Variants in SENP2 observed in about 807,000 individuals in gnomAD.
SENP2 encodes sentrin-specific protease 2.
Under a neutral mutation model 86.3 loss-of-function variants are expected in SENP2, and 16 were observed. The observed-to-expected ratio is 0.19, with a 90% CI of 0.13 to 0.28. SENP2 has a LOEUF of 0.28. SENP2 is among the 10% of genes least tolerant of loss of function. The pLI, the probability that SENP2 is intolerant of heterozygous loss-of-function variation, is 1.00. For synonymous variants in SENP2, 222 were observed against 238.7 expected (o/e 0.93, Z 0.64); for missense variants, 552 against 703.0 (o/e 0.79, Z 2.43).
chr3:185,618,167 C>T lies in SENP2; in HGVS notation c.1242+556C>T, dbSNP rs142572609. Among the ~76,000 whole-genome samples, 606 of 152,342 alleles carry T rather than the reference C, an allele frequency of 4.0e-3. 7 individuals are homozygous for T. Among genetic ancestry groups the T allele is most frequent in the African/African-American group, 0.014 (567 of 41,580 alleles). On this transcript the variant is annotated intron_variant, in intron 12 of 16. Transcript: ENST00000296257. ...CCATGTTGGTCAGGTTGGTCTCAAACTCTGGACCTCAGGTGATCCGCCCGC... is the reference window on the plus strand; with the variant it reads ...CCATGTTGGTCAGGTTGGTCTCAAATTCTGGACCTCAGGTGATCCGCCCGC...
At chr3:185,609,384 G>A in intron 7 of SENP2, 34 bp downstream of exon 7, 1 of 1,460,640 alleles carries the variant, frequency 6.8e-7, no homozygotes, top group Non-Finnish European at 9.6e-7. Context: ...GCTTTGCTAG[G>A]CATCTTTTGT....
Position 185,629,672 on chromosome 3 carries a change from C to G in SENP2, c.1708-110C>G, listed in dbSNP as rs895624280. The G allele has an allele frequency of 8.6e-6, 9 of 1,045,804 alleles. No homozygotes were observed. In the Admixed American group the frequency reaches 1.6e-4, roughly 19 times the overall value. The allele number at this position is 1,045,804 out of a possible 1,614,324, so 64.8% of individuals were successfully genotyped here. ...GTTCCATGATGTAAAAATGTCAACA[C>G]TTAGAAAAAGCACATGGACATCCTG... On this transcript the variant is annotated intron_variant, in intron 16 of 16. Coordinates refer to ENST00000296257, the MANE Select transcript of SENP2 (RefSeq NM_021627.3).
intron 16 of SENP2, among the ~76,000 whole-genome samples, chr3:185,629,566 A>G (rs1712318764): frequency 7.0e-6 from 1 of 143,578 alleles, no homozygotes; most frequent in Non-Finnish European, 1.5e-5. Flanking sequence ...ACACAGCAAG[A>G]CTCCATCTCA....
At position 185,632,203 on chromosome 3, in the gene SENP2, A is replaced by C. The variant is rs1239113296; in HGVS notation, c.*2359A>C. 6.7e-6 allele frequency: 1 copy of C among 149,924 alleles called. No homozygotes were observed. 9.3% of individuals were successfully genotyped at this position (149,924 alleles called of 1,614,324 possible). The stretch of plus-strand genomic sequence containing the variant: ...TTATTAGTAGCAAATTATCACCATT[A>C]AAGCCAGTGGTTTTTTTTTTGTTTT... On this transcript the variant is annotated 3_prime_UTR_variant, in exon 17 of 17. Coordinates refer to ENST00000296257, the MANE Select transcript of SENP2 (RefSeq NM_021627.3).
At chr3:185,614,822 G>C in intron 11 of SENP2, 82 bp downstream of exon 11, 6 of 1,390,766 alleles carry the variant, frequency 4.3e-6, no homozygotes, top group Non-Finnish European at 6.0e-6. Context: ...TTTGTTTTGA[G>C]GACTTTCTCC....
intron 15 of SENP2, 35 bp from the exon 16 acceptor site, chr3:185,626,262 AC>A: frequency 7.5e-7 from 1 of 1,342,012 alleles, no homozygotes; most frequent in South Asian, 1.2e-5. Flanking sequence ...ATGATGTTTT[AC>A]CCTTTCCTCT....
chr3:185,611,139 A>G (rs896957417), intron 7 of SENP2, among the ~76,000 whole-genome samples: 3 of 151,688 alleles, frequency 2.0e-5, no homozygotes, highest in Non-Finnish European at 2.9e-5. Context: ...AACCAGGTGT[A>G]GTGGCGTGTG....
chr3:185,586,599 C>A lies in SENP2; in HGVS notation c.101+85C>A, dbSNP rs578175327. 9.7e-5 allele frequency: 126 copies of A among 1,300,282 alleles called. No homozygotes were observed. In the Middle Eastern group the frequency reaches 1.3e-3, roughly 14 times the overall value. The allele number at this position is 1,300,282 out of a possible 1,614,324, so 80.5% of individuals were successfully genotyped here. On this transcript the variant is annotated intron_variant, in intron 1 of 16. Transcript: ENST00000296257. The surrounding 1 kb of genome is among the most constrained non-coding windows in gnomAD (Gnocchi z 4.3). ...CTCGGCCGTGATAGCTTTGATTCAG[C>A]CAGGCTCACCCGAAACAGGTCGCCG... is the stretch of plus-strand genomic sequence containing the variant.
chr3:185,621,962 C>T, intron 14 of SENP2, 57 bp downstream of exon 14: 1 of 1,135,248 alleles, frequency 8.8e-7, no homozygotes, highest in Admixed American at 1.9e-5. Flanking sequence ...TCTTTTATCT[C>T]ATCCTAGGAA....
At chr3:185,602,490 A>G (rs932661829) in intron 5 of SENP2, among the ~76,000 whole-genome samples, 1 of 152,152 alleles carries the variant, frequency 6.6e-6, no homozygotes, top group Admixed American at 6.6e-5. Context: ...AGTGTCGAGG[A>G]GGGAAAGATC....
At chr3:185,592,074 AT>A (rs1371375964) in intron 2 of SENP2, among the ~76,000 whole-genome samples, 31 of 64,768 alleles carry the variant, frequency 4.8e-4, no homozygotes, top group Admixed American at 1.7e-3. Flanking sequence ...GTCATCAACA[AT>A]TTTTTTTTTT....
chr3:185,590,193 T>A lies in SENP2; in HGVS notation c.157+24T>A, dbSNP rs1418450830. ...AGGTACTGAATATAAATTTTAAAAATTTTTAGTTTTTAAATAGGAAAAATA... is the reference window on the plus strand; with the variant it reads ...AGGTACTGAATATAAATTTTAAAAAATTTTAGTTTTTAAATAGGAAAAATA... On this transcript the variant is annotated intron_variant, in intron 2 of 16. Transcript: ENST00000296257. 20 of 1,342,958 alleles carry A rather than the reference T, an allele frequency of 1.5e-5. 1 individual carries two copies. Among genetic ancestry groups the A allele is most frequent in the Non-Finnish European group, 1.9e-5 (19 of 982,020 alleles). 83.2% of individuals were successfully genotyped at this position (1,342,958 alleles called of 1,614,324 possible).
intron 2 of SENP2, among the ~76,000 whole-genome samples, chr3:185,594,693 C>T (rs1275364802): frequency 6.7e-6 from 1 of 149,204 alleles, no homozygotes; most frequent in Non-Finnish European, 1.5e-5. Context: ...AATCTCGGTT[C>T]ACTGCAACCT....
chr3:185,609,311 A>C lies in SENP2; in HGVS notation c.683A>C (p.His228Pro). Residue 228 changes from histidine (H) to proline (P), a missense_variant, in exon 7 of 17, where the codon CAT (histidine) becomes CCT (proline). Physicochemically the swap from His to Pro is moderately conservative, Grantham distance 77 (BLOSUM62 -2). Around this residue, in one of 2 missense-constraint regions of SENP2, gnomAD observed 383 missense variants for 427.3 expected, o/e 0.90. Transcript: ENST00000296257. ...KLLERLKESGHGNSVCPVTSN... is the reference protein window; with the variant it reads ...KLLERLKESGPGNSVCPVTSN... ...TTGGAACGACTTAAAGAAAGTGGTCATGGAAACTCTGTCTGTCCTGTAACT... is the reference window on the plus strand; with the variant it reads ...TTGGAACGACTTAAAGAAAGTGGTCCTGGAAACTCTGTCTGTCCTGTAACT... The C allele has an allele frequency of 6.2e-7, 1 of 1,613,926 alleles. No homozygotes were observed. The highest frequency in any genetic ancestry group is 8.5e-7 in the Non-Finnish European group (1 of 1,179,858).
intron 15 of SENP2, among the ~76,000 whole-genome samples, chr3:185,624,615 C>T (rs1712054647): frequency 6.6e-6 from 1 of 152,018 alleles, no homozygotes; most frequent in African/African-American, 2.4e-5. Context: ...GTGGCTCACA[C>T]TTGTAATCCC....
intron 11 of SENP2, among the ~76,000 whole-genome samples, chr3:185,616,544 G>T (rs921732792): frequency 6.6e-6 from 1 of 151,592 alleles, no homozygotes; most frequent in African/African-American, 2.4e-5. Flanking sequence ...GGGAGGCCGA[G>T]ATGGGCAGAT....
chr3:185,598,322 A>G, intron 2 of SENP2, 90 bp from the exon 3 acceptor site: 1 of 1,390,798 alleles, frequency 7.2e-7, no homozygotes, highest in East Asian at 2.5e-5. Flanking sequence ...ACTTTTGATA[A>G]AAATTGAGAG....
chr3:185,600,450 A>G (rs190741052), intron 4 of SENP2, among the ~76,000 whole-genome samples: 1 of 152,308 alleles, frequency 6.6e-6, no homozygotes, highest in Admixed American at 6.5e-5. Context: ...ATTTACTCCA[A>G]TTGATTAGAT....
Position 185,626,496 on chromosome 3 carries a change from G to A in SENP2, c.1707+103G>A, listed in dbSNP as rs543189079. ...AGCTCTCAATAGTAGTAGCTGGCCA[G>A]GCGTGGTGGCTCACACCTGTAATCC... is the stretch of plus-strand genomic sequence containing the variant. On this transcript the variant is annotated intron_variant, in intron 16 of 16. Transcript: ENST00000296257. 6.0e-5 allele frequency: 45 copies of A among 745,748 alleles called. No individual in the cohort carries two copies. The East Asian group carries it at 1.2e-3, about 19-fold the overall frequency. 46.2% of individuals were successfully genotyped at this position (745,748 alleles called of 1,614,324 possible). A position where few individuals can be genotyped will look rare whatever the true frequency, so the allele number is the denominator to read the frequency against.
Sources: gnomAD v4.1 joint callset for allele counts (sites outside exome capture counted in the v4.1 genomes callset) on GRCh38, gnomAD v4.1.1 for gene constraint, gnomAD v4.1.1 regional missense constraint, Gnocchi (gnomAD v3.1) non-coding constraint, MANE v1.5 for transcripts, NCBI Gene and HGNC (gene_info 2026-07-23, HGNC 2026-07-21) for gene names.